The following NRG1 variants were observed in gnomAD, a reference collection of about 807,000 sequenced individuals.
NRG1 encodes the protein pro-neuregulin-1, membrane-bound isoform.
A neutral mutation model predicts 63.8 loss-of-function variants in NRG1; 18 were observed. The observed-to-expected ratio is 0.28, with a 90% CI of 0.19 to 0.42. NRG1 has a LOEUF of 0.42. Among genes scored for constraint, NRG1 ranks in the 10% least tolerant of loss-of-function variants. NRG1 has a pLI of 1.00. For synonymous variants in NRG1, 302 were observed against 301.3 expected, an observed-to-expected ratio of 1.00 and a Z score of -0.02; for missense variants, 762 against 814.7, an observed-to-expected ratio of 0.94 and a Z score of 0.79.
At chr8:32,082,439 G>A (rs1827608855) in intron 1 of NRG1, among the ~76,000 whole-genome samples, 1 of 151,768 alleles carries the variant, frequency 6.6e-6, no homozygotes, top group African/African-American at 2.4e-5. Context: ...TCATCCTTTA[G>A]CTCCCGCTTA....
intron 1 of NRG1, among the ~76,000 whole-genome samples, chr8:31,753,318 T>C (rs916299223): frequency 2.0e-5 from 3 of 151,676 alleles, no homozygotes; most frequent in African/African-American, 7.3e-5. Context: ...TGAACTCTTA[T>C]GATGAAAATC....
At chr8:32,658,055 C>G (rs1157641034) in intron 5 of NRG1, among the ~76,000 whole-genome samples, 2 of 152,162 alleles carry the variant, frequency 1.3e-5, no homozygotes, top group African/African-American at 4.8e-5. Flanking sequence ...AGGGAGACAT[C>G]TAAATTAACC....
At chr8:32,547,152 G>C (rs527470449), upstream of NRG1, among the ~76,000 whole-genome samples, 1 of 152,174 alleles carries the variant, frequency 6.6e-6, no homozygotes, top group Admixed American at 6.5e-5. Context: ...TTCTCTACAT[G>C]TAGACAATTC....
Position 32,624,993 on chromosome 8 carries a change from A to G in NRG1, c.502+8108A>G, listed in dbSNP as rs370510059. On this transcript the variant is annotated intron_variant, in intron 5 of 11. Transcript: ENST00000356819. Reference sequence around the variant, plus strand: ...CTTAGCCCATTCCATATAATATTGTATAGAAAACTCACCAGGTCTTGTTCA... The same window carrying G: ...CTTAGCCCATTCCATATAATATTGTGTAGAAAACTCACCAGGTCTTGTTCA... Among the ~76,000 whole-genome samples the G allele has an allele frequency of 5.3e-5, 8 of 152,314 alleles. No individual in the cohort carries two copies. The South Asian group carries it at 8.3e-4, about 16-fold the overall frequency.
intron 1 of NRG1, among the ~76,000 whole-genome samples, chr8:32,455,075 C>T (rs757042710): frequency 6.6e-5 from 10 of 152,138 alleles, no homozygotes; most frequent in African/African-American, 1.2e-4. Flanking sequence ...CATCTTGGTT[C>T]GTGTAAGGAC....
At chr8:32,098,394 A>G (rs1830152099) in intron 1 of NRG1, among the ~76,000 whole-genome samples, 1 of 152,212 alleles carries the variant, frequency 6.6e-6, no homozygotes. Flanking sequence ...CCTGTTAGAT[A>G]TATGTGGCTG....
chr8:31,790,446 A>G (rs988670387), intron 1 of NRG1, among the ~76,000 whole-genome samples: 2 of 152,204 alleles, frequency 1.3e-5, no homozygotes, highest in African/African-American at 4.8e-5. Context: ...CTTGGTGCTG[A>G]TCATCATAAT....
intron 1 of NRG1, among the ~76,000 whole-genome samples, chr8:32,381,962 ACTC>A (rs1242163162): frequency 6.6e-6 from 1 of 152,078 alleles, no homozygotes; most frequent in East Asian, 1.9e-4. Flanking sequence ...AAGTGAGAAA[ACTC>A]CTAGAGAGTT....
At chr8:31,861,687 T>C (rs1828488262) in intron 1 of NRG1, among the ~76,000 whole-genome samples, 1 of 152,180 alleles carries the variant, frequency 6.6e-6, no homozygotes, top group South Asian at 2.1e-4. Context: ...AATGAGGACT[T>C]TGAGACCCTA....
intron 1 of NRG1, among the ~76,000 whole-genome samples, chr8:32,296,597 C>CA (rs1367620269): frequency 8.5e-6 from 1 of 117,598 alleles, no homozygotes. Context: ...GCCTGGGCGA[C>CA]AAGAGTGAAA....
chr8:31,670,254 T>G (rs1806984629), intron 1 of NRG1, among the ~76,000 whole-genome samples: 1 of 152,182 alleles, frequency 6.6e-6, no homozygotes, highest in African/African-American at 2.4e-5. Context: ...GAGTTCTTAC[T>G]CACGGGGGTC....
At chr8:32,120,583 T>G (rs1342705594) in intron 1 of NRG1, among the ~76,000 whole-genome samples, 1 of 152,110 alleles carries the variant, frequency 6.6e-6, no homozygotes, top group Non-Finnish European at 1.5e-5. Flanking sequence ...ATGTTAAAAC[T>G]GAACAGTAGT....
At chr8:31,998,292 A>G (rs544462134) in intron 1 of NRG1, among the ~76,000 whole-genome samples, 7 of 152,146 alleles carry the variant, frequency 4.6e-5, no homozygotes, top group Admixed American at 4.6e-4. Context: ...AATCAACTAT[A>G]CATATATTAC....
At chr8:31,826,782 A>C (rs60560607) in intron 1 of NRG1, among the ~76,000 whole-genome samples, 21,041 of 152,184 alleles carry the variant, frequency 0.14, 1,942 homozygotes, top group Non-Finnish European at 0.19. Context: ...TCAGCCCTCA[A>C]ATAGCCTCTT....
At chr8:31,758,183 G>A (rs1431164900) in intron 1 of NRG1, among the ~76,000 whole-genome samples, 4 of 152,020 alleles carry the variant, frequency 2.6e-5, no homozygotes, top group African/African-American at 9.7e-5. Context: ...TACATTAGGT[G>A]TTTCTCCTAA....
intron 1 of NRG1, among the ~76,000 whole-genome samples, chr8:32,229,640 AAG>A (rs1457760574): frequency 6.6e-6 from 1 of 152,154 alleles, no homozygotes; most frequent in Admixed American, 6.5e-5. Context: ...TGGCCAACAA[AAG>A]AGAAAAAACA....
intron 1 of NRG1, among the ~76,000 whole-genome samples, chr8:32,076,065 G>A (rs1281032210): frequency 6.6e-6 from 1 of 152,182 alleles, no homozygotes; most frequent in Non-Finnish European, 1.5e-5. Context: ...AGCCAGCTGT[G>A]TATTGTTATT....
At chr8:31,660,679 T>C (rs1335788111) in intron 1 of NRG1, among the ~76,000 whole-genome samples, 1 of 152,210 alleles carries the variant, frequency 6.6e-6, no homozygotes, top group Non-Finnish European at 1.5e-5. Context: ...GATTTCCTTT[T>C]TAATGTAAAC....
chr8:32,276,076 A>G (rs1852067683), intron 1 of NRG1, among the ~76,000 whole-genome samples: 2 of 152,158 alleles, frequency 1.3e-5, no homozygotes, highest in South Asian at 4.1e-4. Context: ...TAGCCTTCTG[A>G]AAAGATACCC....
Sources: allele counts gnomAD v4.1 joint callset (sites outside exome capture counted in the v4.1 genomes callset), GRCh38; gene constraint gnomAD v4.1.1; transcripts MANE v1.5; gene names NCBI Gene and HGNC (gene_info 2026-07-23, HGNC 2026-07-21).